The following TTLL4 variants were observed in gnomAD, a reference collection of about 807,000 sequenced individuals.
The protein encoded by TTLL4 is tubulin monoglutamylase TTLL4.
TTLL4 carries 85 observed loss-of-function variants against 122.7 expected under a neutral mutation model. That is an observed-to-expected ratio of 0.69 (90% CI 0.58 to 0.83). TTLL4 has a LOEUF of 0.83. TTLL4 is among the 40% of genes least tolerant of loss of function. The pLI is 0.00. For synonymous variants in TTLL4, 553 were observed against 563.0 expected (o/e 0.98, Z 0.25); for missense variants, 1,363 against 1,488.6 (o/e 0.92, Z 1.39).
chr2:218,722,528 G>T (rs1361410780), intron 1 of TTLL4, among the ~76,000 whole-genome samples: 4 of 152,136 alleles, frequency 2.6e-5, no homozygotes, highest in South Asian at 2.1e-4. Flanking sequence ...CTGAGTGAAA[G>T]AACTAAGCCA....
chr2:218,757,915 C>T (rs1039215444), downstream of TTLL4, among the ~76,000 whole-genome samples: 2 of 152,148 alleles, frequency 1.3e-5, no homozygotes, highest in African/African-American at 4.8e-5. Context: ...GTTCGAATCC[C>T]CCAACTGCTG....
At chr2:218,734,582 G>C (rs1032639065) in intron 2 of TTLL4, among the ~76,000 whole-genome samples, 13 of 152,166 alleles carry the variant, frequency 8.5e-5, no homozygotes, top group Admixed American at 2.6e-4. Flanking sequence ...AAGAAGAAAG[G>C]GCTCCAGGAA....
chr2:218,748,711 A>G lies in TTLL4; in HGVS notation c.2502-125A>G, dbSNP rs1263271012. ...ATTTGCATCCAAGTTCATCTCTTTC[A>G]TAATTTAAACTGCGAAAGGAAGAGA... is the stretch of plus-strand genomic sequence containing the variant. On this transcript the variant is annotated intron_variant, in intron 12 of 19. Transcript: ENST00000392102. 4 of 753,646 alleles carry G rather than the reference A, an allele frequency of 5.3e-6. No individual in the cohort carries two copies. In the East Asian group the frequency reaches 1.1e-4, roughly 21 times the overall value. 46.7% of individuals were successfully genotyped at this position (753,646 alleles called of 1,614,324 possible). A position where few individuals can be genotyped will look rare whatever the true frequency, so the allele number is the denominator to read the frequency against.
chr2:218,736,527 G>A lies in TTLL4; in HGVS notation c.-98-1052G>A, dbSNP rs187140970. Among the ~76,000 whole-genome samples, 16 of 152,360 alleles carry A rather than the reference G, an allele frequency of 1.1e-4. No individual in the cohort carries two copies. The East Asian group carries it at 3.1e-3, about 29-fold the overall frequency. On this transcript the variant is annotated intron_variant, in intron 2 of 19. Coordinates refer to ENST00000392102, the MANE Select transcript of TTLL4 (RefSeq NM_014640.5). ...AAGCCTGGGCTTTGGAGTAAAGAAAGCTTCTGTCCTCTTCTTACTCCCTGA... is the reference window on the plus strand; with the variant it reads ...AAGCCTGGGCTTTGGAGTAAAGAAAACTTCTGTCCTCTTCTTACTCCCTGA...
chr2:218,753,183 G>A lies in TTLL4; in HGVS notation c.3256G>A (p.Val1086Met). The change falls in exon 18 of 20, where the codon GTG becomes ATG. Residue 1086 changes from valine (V) to methionine (M), a missense_variant and splice_region_variant. Transcript: ENST00000392102. ...HMGVVSDSAP[V>M]WSLPTSLLTI... ...GGGAGTTGTCTCTGATTCTGCTCCA[G>A]TGGTGAGTGCTGCCAGTGTGGAGGA... 6.2e-7 allele frequency: 1 copy of A among 1,614,198 alleles called. No individual in the cohort carries two copies. The highest frequency in any genetic ancestry group is 1.1e-5 in the South Asian group (1 of 91,084).
chr2:218,712,087 G>T (rs1312491708), intron 1 of TTLL4, among the ~76,000 whole-genome samples: 2 of 152,094 alleles, frequency 1.3e-5, no homozygotes, highest in Non-Finnish European at 2.9e-5. Flanking sequence ...ATAGAGAGGT[G>T]GGAGGACATT....
intron 5 of TTLL4, among the ~76,000 whole-genome samples, chr2:218,743,036 C>T (rs1196686905): frequency 6.6e-6 from 1 of 151,854 alleles, no homozygotes; most frequent in Non-Finnish European, 1.5e-5. Flanking sequence ...CCCAGCTACT[C>T]GGGAGGCTGA....
In TTLL4 at chr2:218,748,236, G is replaced by A; in HGVS notation, c.2501+9G>A. The A allele has an allele frequency of 6.2e-7, 1 of 1,613,974 alleles. No individual in the cohort carries two copies. The highest frequency in any genetic ancestry group is 8.5e-7 in the Non-Finnish European group (1 of 1,179,966). ...TGCCAGGGCCACAAATGGTACTGAG[G>A]GCAGAGTGTCCCAGTCCAGTGAAGG... On this transcript the variant is annotated intron_variant, in intron 12 of 19. Coordinates refer to ENST00000392102, the MANE Select transcript of TTLL4 (RefSeq NM_014640.5).
intron 1 of TTLL4, among the ~76,000 whole-genome samples, chr2:218,714,468 C>G (rs1266417616): frequency 6.6e-6 from 1 of 152,122 alleles, no homozygotes; most frequent in Non-Finnish European, 1.5e-5. Flanking sequence ...GGTAAATCAC[C>G]AAAAGTCAGT....
intron 8 of TTLL4, chr2:218,746,680 C>T: frequency 2.5e-6 from 1 of 402,398 alleles, no homozygotes; most frequent in Non-Finnish European, 4.5e-6. Context: ...GAATGAGTCC[C>T]TTGCCTCCAG....
chr2:218,750,241 A>G (rs1242777330), intron 15 of TTLL4, 95 bp downstream of exon 15: 5 of 1,507,334 alleles, frequency 3.3e-6, no homozygotes, highest in Non-Finnish European at 4.4e-6. Flanking sequence ...CCCTTCTGCC[A>G]GGTTCCCCTT....
At chr2:218,720,439 C>T (rs1941999272) in intron 1 of TTLL4, among the ~76,000 whole-genome samples, 1 of 152,080 alleles carries the variant, frequency 6.6e-6, no homozygotes, top group African/African-American at 2.4e-5. Flanking sequence ...CAACTCGTGG[C>T]TTTGCTGATG....
At position 218,735,967 on chromosome 2, in the gene TTLL4, CTT is replaced by C. The variant is rs765207077; in HGVS notation, c.-98-1590_-98-1589del. ...TACAGATGTAGCCACCGTGCCCAGC[CTT>C]TTTTTTTTTTTTTTTTTTTTTGTGA... On this transcript the variant is annotated intron_variant, in intron 2 of 19. Transcript: ENST00000392102. 7.6e-3 allele frequency among the ~76,000 whole-genome samples: 606 copies of C among 79,942 alleles called. 1 individual carries two copies. Among genetic ancestry groups the C allele is most frequent in the African/African-American group, 0.035 (567 of 16,426 alleles). 52.4% of individuals were successfully genotyped at this position (79,942 alleles called of 152,430 possible). A position where few individuals can be genotyped will look rare whatever the true frequency, so the allele number is the denominator to read the frequency against.
chr2:218,759,245 C>G (rs1943199599), downstream of TTLL4, among the ~76,000 whole-genome samples: 1 of 149,162 alleles, frequency 6.7e-6, no homozygotes, highest in Non-Finnish European at 1.5e-5. Flanking sequence ...CACTCCGTCT[C>G]AATAAATAAA....
At chr2:218,712,840 A>G (rs1941753002) in intron 1 of TTLL4, among the ~76,000 whole-genome samples, 1 of 152,094 alleles carries the variant, frequency 6.6e-6, no homozygotes, top group African/African-American at 2.4e-5. Flanking sequence ...GGAAATATTT[A>G]TTTTCAGGAA....
At chr2:218,717,616 G>A (rs1941902245) in intron 1 of TTLL4, among the ~76,000 whole-genome samples, 1 of 152,024 alleles carries the variant, frequency 6.6e-6, no homozygotes, top group Non-Finnish European at 1.5e-5. Flanking sequence ...TGACTTATAC[G>A]GACCCACCCT....
In TTLL4 at chr2:218,752,942, G is replaced by A; in HGVS notation, c.3156G>A (p.Trp1052Ter). Residue 1052 changes from tryptophan (W) to a stop codon, truncating the protein, a stop_gained, in exon 17 of 20, where the codon TGG becomes TGA. Coordinates refer to ENST00000392102, the MANE Select transcript of TTLL4 (RefSeq NM_014640.5). LOFTEE classifies it high-confidence loss of function. ...PRYFNILTTQ[W>*]EQKYHGNKLK... ...ATTTCAACATTCTCACCACCCAATG[G>A]GAACAGAAATACCATGGCAACAAGC... is the stretch of plus-strand genomic sequence containing the variant. The A allele has an allele frequency of 6.2e-7, 1 of 1,614,100 alleles. No individual in the cohort carries two copies. Among genetic ancestry groups the A allele is most frequent in the Non-Finnish European group, 8.5e-7 (1 of 1,180,006 alleles).
intron 2 of TTLL4, among the ~76,000 whole-genome samples, chr2:218,735,918 C>A (rs558154474): frequency 6.7e-6 from 1 of 150,356 alleles, no homozygotes; most frequent in African/African-American, 2.5e-5. Context: ...ATCCACCTGC[C>A]TTGGCCTCCC....
chr2:218,741,904 T>C (rs1472420071), intron 5 of TTLL4, among the ~76,000 whole-genome samples: 1 of 152,212 alleles, frequency 6.6e-6, no homozygotes, highest in Non-Finnish European at 1.5e-5. Context: ...TTCTACAAAT[T>C]GCACATAACT....
Sources: gnomAD v4.1 joint callset for allele counts (sites outside exome capture counted in the v4.1 genomes callset) on GRCh38, gnomAD v4.1.1 for gene constraint, MANE v1.5 for transcripts, NCBI Gene and HGNC (gene_info 2026-07-23, HGNC 2026-07-21) for gene names.